The following EBF3 variants were observed in gnomAD, a reference collection of about 807,000 sequenced individuals.
EBF3 encodes the protein EBF transcription factor 3, also known as transcription factor COE3.
EBF3 carries 18 observed loss-of-function variants against 77.1 expected under a neutral mutation model. The observed-to-expected ratio is 0.23, with a 90% CI of 0.16 to 0.35. The LOEUF is 0.35. EBF3 is among the 10% of genes least tolerant of loss of function. The pLI is 1.00. For synonymous variants in EBF3, 350 were observed against 343.5 expected (o/e 1.02, Z -0.21); for missense variants, 558 against 860.0 (o/e 0.65, Z 4.39).
intron 6 of EBF3, among the ~76,000 whole-genome samples, chr10:129,913,399 A>G (rs1165069137): frequency 1.3e-5 from 2 of 152,268 alleles, no homozygotes; most frequent in African/African-American, 4.8e-5. Flanking sequence ...CACAGAGCTG[A>G]TGGACTGGCA....
intron 4 of EBF3, among the ~76,000 whole-genome samples, chr10:129,959,905 C>T (rs1467891265): frequency 1.3e-5 from 2 of 152,144 alleles, no homozygotes; most frequent in Non-Finnish European, 2.9e-5. Flanking sequence ...TTTGAAACTG[C>T]TAACAGTGAT....
At chr10:129,891,354 T>A (rs988905548) in intron 6 of EBF3, among the ~76,000 whole-genome samples, 5 of 152,206 alleles carry the variant, frequency 3.3e-5, no homozygotes, top group Non-Finnish European at 7.3e-5. Context: ...TTAATCTGCC[T>A]CTGAATAAGC....
intron 6 of EBF3, among the ~76,000 whole-genome samples, chr10:129,934,318 A>T (rs1390736279): frequency 1.3e-5 from 2 of 151,654 alleles, no homozygotes; most frequent in Non-Finnish European, 2.9e-5. Flanking sequence ...CACCCCATCC[A>T]CATTCACTGT....
Position 129,842,068 on chromosome 10 carries a change from C to T in EBF3, c.1372+48G>A, listed in dbSNP as rs369566646. On this transcript the variant is annotated intron_variant, in intron 13 of 16. Coordinates refer to ENST00000440978, the MANE Select transcript of EBF3 (RefSeq NM_001375380.1). This position sits in a 1 kb window ranked among gnomAD's most constrained non-coding sequence, Gnocchi z 4.4. Reference sequence around the variant, plus strand: ...CCTCTTCAGCTAAGGCCTCAACCAACCCTCGGAGGGCGTTCAGGGCAGGGG... The same window carrying T: ...CCTCTTCAGCTAAGGCCTCAACCAATCCTCGGAGGGCGTTCAGGGCAGGGG... 4.2e-5 allele frequency: 67 copies of T among 1,612,088 alleles called. No individual in the cohort carries two copies. The highest frequency in any genetic ancestry group is 5.3e-5 in the Non-Finnish European group (63 of 1,179,008).
rs901325342 is a variant in EBF3, at chr10:129,835,849, A to G, written c.*2094T>C. On this transcript the variant is annotated 3_prime_UTR_variant, in exon 17 of 17. Coordinates refer to ENST00000440978, the MANE Select transcript of EBF3 (RefSeq NM_001375380.1). ...AAAGCACTTAGTGCAAAGGAGAAAG[A>G]AAAAAAAAAAAACACCTGACACTTT... The G allele has an allele frequency of 8.8e-5, 9 of 102,718 alleles. No homozygotes were observed. The highest frequency in any genetic ancestry group is 3.8e-4 in the African/African-American group (9 of 23,430). 6.4% of individuals were successfully genotyped at this position (102,718 alleles called of 1,614,324 possible).
At position 129,897,337 on chromosome 10, in the gene EBF3, G is replaced by A. The variant is rs1263722885; in HGVS notation, c.555-19488C>T. On this transcript the variant is annotated intron_variant, in intron 6 of 16. Coordinates refer to ENST00000440978, the MANE Select transcript of EBF3 (RefSeq NM_001375380.1). The surrounding 1 kb of genome is among the most constrained non-coding windows in gnomAD (Gnocchi z 4.6). ...CCCATGGCTGTGTGGGTGAGTTCTT[G>A]GGGGTACACCAGTGGCCCCAGGACC... 6.6e-6 allele frequency among the ~76,000 whole-genome samples: 1 copy of A among 152,162 alleles called. No individual in the cohort carries two copies. Among genetic ancestry groups the A allele is most frequent in the Non-Finnish European group, 1.5e-5 (1 of 68,022 alleles).
At chr10:129,853,130 G>C (rs1851012189) in intron 10 of EBF3, among the ~76,000 whole-genome samples, 1 of 152,206 alleles carries the variant, frequency 6.6e-6, no homozygotes, top group Non-Finnish European at 1.5e-5. Context: ...CCGCCTGTAA[G>C]TACTCCTAGA....
intron 6 of EBF3, among the ~76,000 whole-genome samples, chr10:129,932,362 G>A (rs542433456): frequency 8.5e-5 from 13 of 152,188 alleles, no homozygotes; most frequent in Non-Finnish European, 1.6e-4. Context: ...AGGCGACAAG[G>A]GCCACTTGCT....
At chr10:129,928,484 G>A (rs1443224438) in intron 6 of EBF3, among the ~76,000 whole-genome samples, 2 of 152,136 alleles carry the variant, frequency 1.3e-5, no homozygotes, top group Non-Finnish European at 2.9e-5. Context: ...TCTAGTACAG[G>A]GACCTTCCAT....
intron 10 of EBF3, among the ~76,000 whole-genome samples, chr10:129,855,217 G>T (rs1589713394): frequency 6.6e-6 from 1 of 152,166 alleles, no homozygotes; most frequent in Admixed American, 6.5e-5. Context: ...CGGGAATATT[G>T]TTCTGGAATT....
chr10:129,928,745 G>A (rs1856828596), intron 6 of EBF3, among the ~76,000 whole-genome samples: 1 of 152,154 alleles, frequency 6.6e-6, no homozygotes, highest in Non-Finnish European at 1.5e-5. Context: ...GTCAGAGAAG[G>A]CCAGGCCATT....
chr10:129,941,065 C>T (rs1174387377), intron 6 of EBF3, among the ~76,000 whole-genome samples: 4 of 152,180 alleles, frequency 2.6e-5, no homozygotes, highest in African/African-American at 9.7e-5. Context: ...CCCGCCCACT[C>T]CCTGAATCTC....
chr10:129,943,430 C>T lies in EBF3; in HGVS notation c.554+13828G>A, dbSNP rs865780524. Among the ~76,000 whole-genome samples, 11 of 152,178 alleles carry T rather than the reference C, an allele frequency of 7.2e-5. No homozygotes were observed. The highest frequency in any genetic ancestry group is 1.3e-4 in the Admixed American group (2 of 15,288). Reference sequence around the variant, plus strand: ...CTGGATAATTTCATTTTAAAAGTATCGCTAAAATTTGATGTCCCTTGGGAT... The same window carrying T: ...CTGGATAATTTCATTTTAAAAGTATTGCTAAAATTTGATGTCCCTTGGGAT... On this transcript the variant is annotated intron_variant, in intron 6 of 16. Coordinates refer to ENST00000440978, the MANE Select transcript of EBF3 (RefSeq NM_001375380.1). This position sits in a 1 kb window ranked among gnomAD's most constrained non-coding sequence, Gnocchi z 8.8.
chr10:129,951,589 G>A (rs1564920745), intron 6 of EBF3, among the ~76,000 whole-genome samples: 1 of 152,246 alleles, frequency 6.6e-6, no homozygotes, highest in Non-Finnish European at 1.5e-5. Context: ...CCCAGCCCTT[G>A]ACTGGCCTGG....
At chr10:129,877,063 C>T (rs1472367945) in intron 7 of EBF3, among the ~76,000 whole-genome samples, 1 of 152,130 alleles carries the variant, frequency 6.6e-6, no homozygotes, top group Non-Finnish European at 1.5e-5. Flanking sequence ...GGAAGAGACT[C>T]TGGCAGTTGC....
At chr10:129,865,960 C>T (rs1227487165) in intron 10 of EBF3, among the ~76,000 whole-genome samples, 2 of 152,202 alleles carry the variant, frequency 1.3e-5, no homozygotes, top group Non-Finnish European at 2.9e-5. Flanking sequence ...AGTCACCCAG[C>T]CACTGCACAT....
At chr10:129,851,858 C>A (rs543324598) in intron 10 of EBF3, among the ~76,000 whole-genome samples, 1 of 152,128 alleles carries the variant, frequency 6.6e-6, no homozygotes, top group Non-Finnish European at 1.5e-5. Flanking sequence ...TAGTGGAGGG[C>A]CTTTTATCTG....
At chr10:129,913,266 G>A (rs1207975364) in intron 6 of EBF3, among the ~76,000 whole-genome samples, 12 of 152,200 alleles carry the variant, frequency 7.9e-5, no homozygotes, top group Non-Finnish European at 1.3e-4. Context: ...TACCATCTCC[G>A]GTGACTCTGT....
chr10:129,956,475 G>T (rs189399307), intron 6 of EBF3, among the ~76,000 whole-genome samples: 2 of 152,152 alleles, frequency 1.3e-5, no homozygotes, highest in African/African-American at 2.4e-5. Flanking sequence ...GAAACCCAGC[G>T]AGTTGGGAGA....
Sources: allele counts gnomAD v4.1 joint callset (sites outside exome capture counted in the v4.1 genomes callset), GRCh38; gene constraint gnomAD v4.1.1; non-coding constraint Gnocchi (gnomAD v3.1); transcripts MANE v1.5; gene names NCBI Gene and HGNC (gene_info 2026-07-23, HGNC 2026-07-21).